The following NAV2 variants were observed in gnomAD, a reference collection of about 807,000 sequenced individuals.
NAV2 encodes the protein neuron navigator 2, also known as helicase, APC down-regulated 1.
In NAV2, 54 loss-of-function variants were observed where a neutral mutation model predicts 223.2. The observed-to-expected ratio is 0.24, with a 90% CI of 0.19 to 0.30. The LOEUF (loss-of-function observed/expected upper bound fraction) is 0.30, where lower values mean the gene tolerates loss of function less well. Ranked by LOEUF, NAV2 falls within the 10% of genes least tolerant of loss-of-function variation. The pLI is 1.00. For missense variants in NAV2, 2,806 were observed against 3,147.5 expected (o/e 0.89, Z 2.60); for synonymous variants, 1,279 against 1,239.3 (o/e 1.03, Z -0.67).
chr11:19,572,718 TA>T (rs1357959564), intron 1 of NAV2, among the ~76,000 whole-genome samples: 15 of 152,226 alleles, frequency 9.9e-5, no homozygotes, highest in Admixed American at 3.3e-4. Context: ...TGACTTTGAT[TA>T]AAAGGCTTAA....
upstream of NAV2, among the ~76,000 whole-genome samples, chr11:19,346,448 C>T (rs1853011760): frequency 6.6e-6 from 1 of 152,162 alleles, no homozygotes; most frequent in South Asian, 2.1e-4. Context: ...CGGGCTAGGG[C>T]GCGGGCGGGG....
chr11:19,385,996 C>T (rs188824480), intron 1 of NAV2, among the ~76,000 whole-genome samples: 1 of 152,260 alleles, frequency 6.6e-6, no homozygotes, highest in East Asian at 1.9e-4. Context: ...GATCTCCTGA[C>T]CTCATGATCC....
chr11:19,732,930 TC>T (rs1300491853), intron 1 of NAV2, among the ~76,000 whole-genome samples: 1 of 152,256 alleles, frequency 6.6e-6, no homozygotes, highest in Non-Finnish European at 1.5e-5. Flanking sequence ...ATTATCTTAT[TC>T]CTTTGTGTTA....
chr11:19,779,324 A>C (rs1272553899), intron 1 of NAV2, among the ~76,000 whole-genome samples: 1 of 152,222 alleles, frequency 6.6e-6, no homozygotes, highest in African/African-American at 2.4e-5. Flanking sequence ...GAGCCCAGGC[A>C]GGAAGAGGCA....
intron 1 of NAV2, among the ~76,000 whole-genome samples, chr11:19,638,687 T>C (rs1424019736): frequency 1.3e-5 from 2 of 152,206 alleles, no homozygotes; most frequent in African/African-American, 2.4e-5. Context: ...AGCCGAAATA[T>C]ACACAGGTGG....
intron 4 of NAV2, among the ~76,000 whole-genome samples, chr11:19,878,513 AT>A: frequency 6.6e-6 from 1 of 152,304 alleles, no homozygotes; most frequent in East Asian, 1.9e-4. Flanking sequence ...AAGAATACAG[AT>A]TGGAACTCAC....
chr11:19,490,604 G>T (rs1005299948), intron 1 of NAV2, among the ~76,000 whole-genome samples: 1 of 152,162 alleles, frequency 6.6e-6, no homozygotes, highest in Non-Finnish European at 1.5e-5. Context: ...TCTAATTCTA[G>T]TTCTCTTGCT....
chr11:20,000,348 A>C (rs980887653), intron 11 of NAV2, among the ~76,000 whole-genome samples: 2 of 152,188 alleles, frequency 1.3e-5, no homozygotes, highest in Non-Finnish European at 2.9e-5. Flanking sequence ...CTATAATTCC[A>C]GCTCTGTTTT....
intron 11 of NAV2, among the ~76,000 whole-genome samples, chr11:20,005,931 A>G (rs78913308): frequency 0.071 from 10,762 of 152,172 alleles, 426 homozygotes; most frequent in South Asian, 0.13. Context: ...CCTCATGACA[A>G]CTCAGTGAGA....
At chr11:19,622,417 C>A (rs1490970308) in intron 1 of NAV2, among the ~76,000 whole-genome samples, 1 of 152,036 alleles carries the variant, frequency 6.6e-6, no homozygotes, top group African/African-American at 2.4e-5. Context: ...CTCTAAGGAC[C>A]TGCTTTATGA....
intron 1 of NAV2, among the ~76,000 whole-genome samples, chr11:19,764,120 C>T (rs1326736511): frequency 6.6e-6 from 1 of 152,158 alleles, no homozygotes; most frequent in African/African-American, 2.4e-5. Context: ...GAACACGTGC[C>T]TTAGTGAAAT....
At chr11:19,672,596 T>C (rs2048602074) in intron 1 of NAV2, among the ~76,000 whole-genome samples, 2 of 152,084 alleles carry the variant, frequency 1.3e-5, no homozygotes, top group South Asian at 4.1e-4. Flanking sequence ...CAATGGGACT[T>C]CTTTCTCATC....
intron 1 of NAV2, among the ~76,000 whole-genome samples, chr11:19,493,243 G>C (rs536275432): frequency 6.6e-6 from 1 of 151,404 alleles, no homozygotes; most frequent in African/African-American, 2.4e-5. Context: ...TACTATACTG[G>C]AATTAAAGGT....
At chr11:20,068,704 C>G (rs2059205405) in intron 22 of NAV2, among the ~76,000 whole-genome samples, 1 of 152,120 alleles carries the variant, frequency 6.6e-6, no homozygotes, top group African/African-American at 2.4e-5. Flanking sequence ...CTTAATTTCT[C>G]TTCCTCTTTC....
intron 3 of NAV2, among the ~76,000 whole-genome samples, chr11:19,846,419 C>G (rs1457753072): frequency 6.6e-6 from 1 of 152,094 alleles, no homozygotes; most frequent in African/African-American, 2.4e-5. Flanking sequence ...CTGGGACAAG[C>G]CTTGTGCATG....
chr11:19,962,245 A>C (rs2048401491), intron 10 of NAV2, among the ~76,000 whole-genome samples: 1 of 151,790 alleles, frequency 6.6e-6, no homozygotes, highest in African/African-American at 2.4e-5. Flanking sequence ...CAAAGCCTTC[A>C]ACTGATTGGA....
intron 11 of NAV2, among the ~76,000 whole-genome samples, chr11:20,028,802 A>G (rs1463734401): frequency 1.3e-5 from 2 of 152,184 alleles, no homozygotes; most frequent in South Asian, 2.1e-4. Context: ...GTATTAGGCA[A>G]GATTGCATCC....
intron 1 of NAV2, among the ~76,000 whole-genome samples, chr11:19,615,938 C>T (rs1198916758): frequency 6.6e-6 from 1 of 152,160 alleles, no homozygotes; most frequent in African/African-American, 2.4e-5. Flanking sequence ...TAGCCAGCCC[C>T]TACCCCTAAC....
rs186481962 is a variant in NAV2 at position 19,850,429 on chromosome 11, G to C, written c.438+7506G>C. Among the ~76,000 whole-genome samples the C allele has an allele frequency of 2.0e-5, 3 of 152,280 alleles. No homozygotes were observed. The East Asian group carries it at 5.8e-4, about 29-fold the overall frequency. ...GTCAGCATTTAGTAAATACAGGATG[G>C]GTAGATGGACAGACGGAAAGACCAG... On this transcript the variant is annotated intron_variant, in intron 3 of 37. Coordinates refer to ENST00000349880, the MANE Select transcript of NAV2 (RefSeq NM_145117.5).
Sources: allele counts gnomAD v4.1 joint callset (sites outside exome capture counted in the v4.1 genomes callset), GRCh38; gene constraint gnomAD v4.1.1; transcripts MANE v1.5; gene names NCBI Gene and HGNC (gene_info 2026-07-23, HGNC 2026-07-21).